The following LAMP5 variants were observed in gnomAD, a reference collection of about 807,000 sequenced individuals.
The protein encoded by LAMP5 is lysosome-associated membrane glycoprotein 5.
A neutral mutation model predicts 30.2 loss-of-function variants in LAMP5; 36 were observed. That is an observed-to-expected ratio of 1.19 (90% CI 0.91 to 1.57). LAMP5 has a LOEUF of 1.57. LAMP5 is among the 40% of genes most tolerant of loss of function. The probability of loss-of-function intolerance (pLI) is 0.00; values close to 1 mark genes in which losing one functional copy is unlikely to be tolerated. For synonymous variants in LAMP5, 149 were observed against 134.6 expected (o/e 1.11, Z -0.74); for missense variants, 377 against 354.9 (o/e 1.06, Z -0.50).
chr20:9,522,433 C>T (rs2045085254), intron 5 of LAMP5, among the ~76,000 whole-genome samples: 1 of 152,148 alleles, frequency 6.6e-6, no homozygotes. Flanking sequence ...TGGCACTTCC[C>T]AGTCAAGAAA....
chr20:9,517,643 A>G (rs369490526), intron 4 of LAMP5, among the ~76,000 whole-genome samples: 7 of 104,142 alleles, frequency 6.7e-5, no homozygotes, highest in African/African-American at 3.0e-4. Flanking sequence ...GTGTATTTGT[A>G]GAGACAGAGT....
chr20:9,514,623 C>G lies in LAMP5; in HGVS notation c.-230C>G, dbSNP rs1015221078. The G allele has an allele frequency of 1.9e-6, 1 of 517,312 alleles. No homozygotes were observed. The highest frequency in any genetic ancestry group is 3.5e-6 in the Non-Finnish European group (1 of 288,680). The allele number at this position is 517,312 out of a possible 1,614,324, so 32.0% of individuals were successfully genotyped here. A position where few individuals can be genotyped will look rare whatever the true frequency, so the allele number is the denominator to read the frequency against. On this transcript the variant is annotated 5_prime_UTR_variant, in exon 1 of 6. Transcript: ENST00000246070. ...TTCAGCACTCGCAGCCGTGGACCGC[C>G]GTGCGGTCCTTTCCTCCGCAGTGAG...
intron 1 of LAMP5, 24 bp downstream of exon 1, chr20:9,514,940 G>A (rs541426944): frequency 1.9e-6 from 3 of 1,609,210 alleles, no homozygotes; most frequent in Admixed American, 1.7e-5. Flanking sequence ...TGGCGACTGG[G>A]AGAGAGGACG....
chr20:9,518,209 A>C lies in LAMP5; in HGVS notation c.645A>C (p.Ser215=), dbSNP rs146847874. 5 of 1,613,594 alleles carry C rather than the reference A, an allele frequency of 3.1e-6. No homozygotes were observed. Among genetic ancestry groups the C allele is most frequent in the Admixed American group, 1.7e-5 (1 of 60,020 alleles). The change falls in exon 5 of 6, where the codon TCA becomes TCC. Residue 215 remains serine, a synonymous_variant. Transcript: ENST00000246070. ...AVHIQPFDII[S]DFVFSEEHKC... ...ACATCCAACCTTTTGACATTATCTC[A>C]GATTTTGTCTTCAGTGAAGGTAAGT...
Position 9,514,780 on chromosome 20 carries a change from G to A in LAMP5, c.-73G>A, listed in dbSNP as rs931652315. 1 of 1,434,024 alleles carries A rather than the reference G, an allele frequency of 7.0e-7. No individual in the cohort carries two copies. The highest frequency in any genetic ancestry group is 9.8e-7 in the Non-Finnish European group (1 of 1,022,440). 88.8% of individuals were successfully genotyped at this position (1,434,024 alleles called of 1,614,324 possible). A position where few individuals can be genotyped will look rare whatever the true frequency, so the allele number is the denominator to read the frequency against. ...CTCGCTCACCCCGGCCCACTCCAGC[G>A]GCGACTTTGAGGGATTCCCTCTCTG... is the stretch of plus-strand genomic sequence containing the variant. On this transcript the variant is annotated 5_prime_UTR_variant, in exon 1 of 6. Transcript: ENST00000246070.
chr20:9,515,263 T>A (rs538315538), intron 1 of LAMP5, among the ~76,000 whole-genome samples, 190 bp from the exon 2 acceptor site: 155 of 152,274 alleles, frequency 1.0e-3, no homozygotes, highest in African/African-American at 3.6e-3. Context: ...TAACTGTATT[T>A]TCATTATAAA....
chr20:9,519,978 C>T (rs999359435), intron 5 of LAMP5, among the ~76,000 whole-genome samples: 21 of 152,178 alleles, frequency 1.4e-4, no homozygotes, highest in African/African-American at 4.6e-4. Flanking sequence ...TAAATAAGTA[C>T]TGAATAAGGA....
rs1390207500 is a variant in LAMP5, at chr20:9,530,186, C to T, written c.*366C>T. The T allele has an allele frequency of 5.2e-6, 1 of 190,982 alleles. No homozygotes were observed. Among genetic ancestry groups the T allele is most frequent in the African/African-American group, 2.3e-5 (1 of 43,640 alleles). 11.8% of individuals were successfully genotyped at this position (190,982 alleles called of 1,614,324 possible). A position where few individuals can be genotyped will look rare whatever the true frequency, so the allele number is the denominator to read the frequency against. On this transcript the variant is annotated 3_prime_UTR_variant, in exon 6 of 6. Coordinates refer to ENST00000246070, the MANE Select transcript of LAMP5 (RefSeq NM_012261.4). ...AACATGCTTCTTTGAGGAGGAAACC[C>T]CTTTAGGTTCAGAAGAATATGGGGT...
At chr20:9,526,266 T>A (rs2045111640) in intron 5 of LAMP5, among the ~76,000 whole-genome samples, 1 of 152,244 alleles carries the variant, frequency 6.6e-6, no homozygotes, top group Admixed American at 6.5e-5. Flanking sequence ...CTTAATATTT[T>A]AAAATTTTTA....
At position 9,514,668 on chromosome 20, in the gene LAMP5, G is replaced by T; in HGVS notation, c.-185G>T. Reference sequence around the variant, plus strand: ...AGTGAGCCGATTTGCTCTGCCAGCAGCTGTCGGTGCCGCGCTCGACACCGA... The same window carrying T: ...AGTGAGCCGATTTGCTCTGCCAGCATCTGTCGGTGCCGCGCTCGACACCGA... On this transcript the variant is annotated 5_prime_UTR_variant, in exon 1 of 6. Coordinates refer to ENST00000246070, the MANE Select transcript of LAMP5 (RefSeq NM_012261.4). 1 of 538,942 alleles carries T rather than the reference G, an allele frequency of 1.9e-6. No individual in the cohort carries two copies. The highest frequency in any genetic ancestry group is 1.9e-5 in the African/African-American group (1 of 51,760). 33.4% of individuals were successfully genotyped at this position (538,942 alleles called of 1,614,324 possible). A position where few individuals can be genotyped will look rare whatever the true frequency, so the allele number is the denominator to read the frequency against.
At chr20:9,529,119 A>G (rs2045133226) in intron 5 of LAMP5, among the ~76,000 whole-genome samples, 1 of 152,184 alleles carries the variant, frequency 6.6e-6, no homozygotes, top group Admixed American at 6.5e-5. Flanking sequence ...ATGCCTAAGA[A>G]TGGGATGCTG....
chr20:9,524,613 A>C (rs546759106), intron 5 of LAMP5, among the ~76,000 whole-genome samples: 1,712 of 146,380 alleles, frequency 0.012, 14 homozygotes, highest in Non-Finnish European at 0.019. Flanking sequence ...AAAAAAAAAA[A>C]AAACAAACAA....
At position 9,516,177 on chromosome 20, in the gene LAMP5, G is replaced by T. The variant is rs1165101259; in HGVS notation, c.369+46G>T. The T allele has an allele frequency of 2.5e-6, 4 of 1,597,552 alleles. No individual in the cohort carries two copies. The African/African-American group carries it at 5.7e-5, about 23-fold the overall frequency. The stretch of plus-strand genomic sequence containing the variant: ...CAGAGGGGCCGCAGGCTCCGCGTGG[G>T]TGTGGGAAGTGGCGGCCCCTAGGTT... On this transcript the variant is annotated intron_variant, in intron 3 of 5. Transcript: ENST00000246070.
chr20:9,515,852 G>A, intron 2 of LAMP5, 148 bp from the exon 3 acceptor site: 1 of 991,678 alleles, frequency 1.0e-6, no homozygotes, highest in African/African-American at 1.6e-5. Flanking sequence ...TGCACGTAGA[G>A]CATCTAACCG....
chr20:9,521,433 T>C (rs6140956), intron 5 of LAMP5, among the ~76,000 whole-genome samples: 14,943 of 152,186 alleles, frequency 0.098, 918 homozygotes, highest in East Asian at 0.32. Flanking sequence ...TTACAAATAA[T>C]TGGATGTGTA....
chr20:9,522,306 T>C (rs2045084382), intron 5 of LAMP5, among the ~76,000 whole-genome samples: 1 of 152,226 alleles, frequency 6.6e-6, no homozygotes, highest in South Asian at 2.1e-4. Context: ...TAAATGAACA[T>C]GGCTGACATT....
chr20:9,514,735 C>T lies in LAMP5; in HGVS notation c.-118C>T. 2 of 862,996 alleles carry T rather than the reference C, an allele frequency of 2.3e-6. No homozygotes were observed. The highest frequency in any genetic ancestry group is 1.5e-5 in the South Asian group (1 of 65,952). 53.5% of individuals were successfully genotyped at this position (862,996 alleles called of 1,614,324 possible). Reference sequence around the variant, plus strand: ...CACAGAATACGCGCTCCCTCCCTCCCCCTTCTCTGTCCCCCGCCTCTCGCT... The same window carrying T: ...CACAGAATACGCGCTCCCTCCCTCCTCCTTCTCTGTCCCCCGCCTCTCGCT... On this transcript the variant is annotated 5_prime_UTR_variant, in exon 1 of 6. Transcript: ENST00000246070.
intron 5 of LAMP5, among the ~76,000 whole-genome samples, chr20:9,521,295 A>G (rs1228034474): frequency 2.0e-5 from 3 of 152,202 alleles, no homozygotes; most frequent in African/African-American, 7.2e-5. Flanking sequence ...TAGAGGCAGC[A>G]GTGCCTTGGA....
At chr20:9,520,732 C>T (rs1222154439) in intron 5 of LAMP5, among the ~76,000 whole-genome samples, 8 of 152,012 alleles carry the variant, frequency 5.3e-5, no homozygotes, top group African/African-American at 1.9e-4. Context: ...CTGAATAGGC[C>T]TTATGAGAAA....
Sources: allele counts gnomAD v4.1 joint callset (sites outside exome capture counted in the v4.1 genomes callset), GRCh38; gene constraint gnomAD v4.1.1; transcripts MANE v1.5; gene names NCBI Gene and HGNC (gene_info 2026-07-23, HGNC 2026-07-21).